Variants in GRM8 observed in about 807,000 individuals in gnomAD.
GRM8 encodes metabotropic glutamate receptor 8.
A neutral mutation model predicts 87.2 loss-of-function variants in GRM8; 47 were observed. The ratio of observed to expected loss-of-function variants is 0.54; its 90% CI spans 0.43 to 0.69. The LOEUF (loss-of-function observed/expected upper bound fraction) is 0.69. Among genes scored for constraint, GRM8 ranks in the 30% least tolerant of loss-of-function variants. GRM8 has a pLI of 0.00. For synonymous variants in GRM8, 396 were observed against 404.5 expected (o/e 0.98, Z 0.25); for missense variants, 1,019 against 1,139.2 (o/e 0.89, Z 1.52).
chr7:126,916,188 C>T (rs957320500), intron 3 of GRM8, among the ~76,000 whole-genome samples: 1 of 152,148 alleles, frequency 6.6e-6, no homozygotes, highest in Non-Finnish European at 1.5e-5. Context: ...AAATTTCTTA[C>T]CTGTTCTGGA....
chr7:126,808,267 G>A (rs1792962709), intron 6 of GRM8, among the ~76,000 whole-genome samples: 1 of 152,166 alleles, frequency 6.6e-6, no homozygotes, highest in Admixed American at 6.5e-5. Flanking sequence ...GAGACCTGCA[G>A]ATCAAACAGC....
At chr7:127,071,826 T>A (rs1014231239) in intron 3 of GRM8, among the ~76,000 whole-genome samples, 2 of 152,006 alleles carry the variant, frequency 1.3e-5, no homozygotes, top group African/African-American at 4.8e-5. Flanking sequence ...ACTGGCCTCT[T>A]CTCCACTCAA....
chr7:126,502,755 T>C (rs796835625), intron 9 of GRM8, among the ~76,000 whole-genome samples: 1 of 152,090 alleles, frequency 6.6e-6, no homozygotes, highest in Admixed American at 6.6e-5. Context: ...ATAAAAATGC[T>C]GCTGACTGGA....
intron 3 of GRM8, among the ~76,000 whole-genome samples, chr7:127,029,858 TAG>T (rs1817186851): frequency 6.6e-6 from 1 of 152,068 alleles, no homozygotes; most frequent in Non-Finnish European, 1.5e-5. Flanking sequence ...CTTTATTTTT[TAG>T]AGTTTTAGTT....
intron 6 of GRM8, among the ~76,000 whole-genome samples, chr7:126,803,399 G>A (rs1281514087): frequency 1.3e-5 from 2 of 152,168 alleles, no homozygotes; most frequent in African/African-American, 4.8e-5. Context: ...CCAGCACTTA[G>A]TTGAGAGGAG....
chr7:126,586,329 A>G (rs1796120922), intron 8 of GRM8, among the ~76,000 whole-genome samples: 2 of 152,322 alleles, frequency 1.3e-5, no homozygotes, highest in South Asian at 2.1e-4. Flanking sequence ...TGGAAAAAAT[A>G]CTTTAAAGTT....
At chr7:127,114,458 T>C (rs1826580263) in intron 2 of GRM8, among the ~76,000 whole-genome samples, 1 of 152,174 alleles carries the variant, frequency 6.6e-6, no homozygotes, top group Non-Finnish European at 1.5e-5. Context: ...TTAACACAGC[T>C]GAGTGTAACA....
chr7:127,212,409 T>TA (rs1796264390), intron 2 of GRM8, among the ~76,000 whole-genome samples: 1 of 131,266 alleles, frequency 7.6e-6, no homozygotes, highest in African/African-American at 2.9e-5. Flanking sequence ...GACATGGTGT[T>TA]ATTTTTTTTT....
intron 7 of GRM8, among the ~76,000 whole-genome samples, chr7:126,626,465 T>C (rs990511068): frequency 6.6e-6 from 1 of 152,150 alleles, no homozygotes; most frequent in African/African-American, 2.4e-5. Flanking sequence ...TTGGTAGCCA[T>C]TTTTTCAGTT....
intron 6 of GRM8, among the ~76,000 whole-genome samples, chr7:126,832,470 AC>A (rs1795485159): frequency 6.6e-6 from 1 of 152,220 alleles, no homozygotes; most frequent in Non-Finnish European, 1.5e-5. Context: ...CAACAAAAAA[AC>A]ACCCCAATAT....
chr7:127,148,272 A>G (rs560665750), intron 2 of GRM8, among the ~76,000 whole-genome samples: 7 of 152,164 alleles, frequency 4.6e-5, no homozygotes, highest in African/African-American at 1.7e-4. Flanking sequence ...ATTCATCAAG[A>G]GGACATGGCT....
intron 9 of GRM8, among the ~76,000 whole-genome samples, chr7:126,500,753 AG>A (rs1346373514): frequency 2.0e-4 from 30 of 152,066 alleles, no homozygotes; most frequent in African/African-American, 6.5e-4. Context: ...AGCTTCTGTT[AG>A]TCATCTATAG....
chr7:127,231,475 G>T (rs17866314), intron 2 of GRM8, among the ~76,000 whole-genome samples: 6 of 152,122 alleles, frequency 3.9e-5, no homozygotes, highest in African/African-American at 1.4e-4. Context: ...TAAACAGGTG[G>T]CACAAGATAG....
At chr7:126,573,731 G>A (rs1433671176) in intron 8 of GRM8, among the ~76,000 whole-genome samples, 1 of 151,912 alleles carries the variant, frequency 6.6e-6, no homozygotes, top group African/African-American at 2.4e-5. Flanking sequence ...ACTACAGGGA[G>A]TGTGCCACCA....
intron 10 of GRM8, among the ~76,000 whole-genome samples, chr7:126,441,900 T>G (rs147144788): frequency 2.2e-4 from 33 of 152,100 alleles, no homozygotes; most frequent in African/African-American, 7.7e-4. Context: ...TCTGCTTATC[T>G]TATCTACATT....
intron 6 of GRM8, among the ~76,000 whole-genome samples, chr7:126,786,781 AAAAGTTATT>A (rs1158740822): frequency 2.0e-5 from 3 of 152,182 alleles, no homozygotes; most frequent in Non-Finnish European, 4.4e-5. Context: ...AAAAGTTCTC[AAAAGTTATT>A]ATAGTTACCA....
intron 8 of GRM8, among the ~76,000 whole-genome samples, chr7:126,537,252 T>C (rs371282748): frequency 6.6e-6 from 1 of 152,240 alleles, no homozygotes; most frequent in African/African-American, 2.4e-5. Flanking sequence ...TTACAGATTA[T>C]GTTTTAATAA....
chr7:126,753,296 T>C (rs1022029611), intron 7 of GRM8, among the ~76,000 whole-genome samples: 2 of 151,912 alleles, frequency 1.3e-5, no homozygotes, highest in African/African-American at 4.8e-5. Flanking sequence ...TATATATATG[T>C]CTGTTGTCAA....
At chr7:126,650,214 G>A (rs1338811149) in intron 7 of GRM8, among the ~76,000 whole-genome samples, 1 of 152,132 alleles carries the variant, frequency 6.6e-6, no homozygotes, top group Non-Finnish European at 1.5e-5. Context: ...ATGTGATTGG[G>A]TTTGAGCAGG....
Sources: gnomAD v4.1 joint callset for allele counts (sites outside exome capture counted in the v4.1 genomes callset) on GRCh38, gnomAD v4.1.1 for gene constraint, MANE v1.5 for transcripts, NCBI Gene and HGNC (gene_info 2026-07-23, HGNC 2026-07-21) for gene names.